Variants in ESRRG observed in about 807,000 individuals in gnomAD.
The protein encoded by ESRRG is estrogen-related receptor gamma.
ESRRG carries 13 observed loss-of-function variants against 44.0 expected under a neutral mutation model. The observed-to-expected ratio is 0.30, with a 90% confidence interval of 0.19 to 0.47. The LOEUF is 0.47. Among genes scored for constraint, ESRRG ranks in the 20% least tolerant of loss-of-function variants. The probability of loss-of-function intolerance (pLI) is 1.00; values close to 1 mark genes in which losing one functional copy is unlikely to be tolerated. For missense variants in ESRRG, 395 were observed against 580.6 expected (o/e 0.68, Z 3.29); for synonymous variants, 215 against 214.6 (o/e 1.00, Z -0.02).
At chr1:216,805,662 G>A (rs934245659) in intron 2 of ESRRG, among the ~76,000 whole-genome samples, 2 of 151,712 alleles carry the variant, frequency 1.3e-5, no homozygotes, top group Non-Finnish European at 2.9e-5. Context: ...GGCATTTGCC[G>A]TGCTCAAGTG....
At chr1:217,068,773 A>T (rs1283506618) in intron 1 of ESRRG, among the ~76,000 whole-genome samples, 4 of 152,260 alleles carry the variant, frequency 2.6e-5, no homozygotes, top group Non-Finnish European at 5.9e-5. Flanking sequence ...AGAGCTGGTC[A>T]CATGACCTTC....
intron 2 of ESRRG, among the ~76,000 whole-genome samples, chr1:216,810,618 C>T (rs1278521601): frequency 6.8e-6 from 1 of 147,014 alleles, no homozygotes; most frequent in East Asian, 2.0e-4. Context: ...CCATGATATT[C>T]TATATGGTAT....
intron 1 of ESRRG, among the ~76,000 whole-genome samples, chr1:217,111,540 A>T (rs1244125494): frequency 6.6e-6 from 1 of 152,260 alleles, no homozygotes; most frequent in East Asian, 1.9e-4. Flanking sequence ...GAACCAAAGA[A>T]GAAAGTCATC....
At chr1:216,551,797 T>C (rs1052615160) in intron 5 of ESRRG, among the ~76,000 whole-genome samples, 1 of 152,160 alleles carries the variant, frequency 6.6e-6, no homozygotes, top group African/African-American at 2.4e-5. Context: ...AGATTTATTA[T>C]TGGGTGTGCC....
intron 2 of ESRRG, among the ~76,000 whole-genome samples, chr1:216,778,731 T>C (rs1027544125): frequency 6.6e-6 from 1 of 151,974 alleles, no homozygotes; most frequent in Non-Finnish European, 1.5e-5. Flanking sequence ...TTAGAAATAG[T>C]AAGCCTTCCT....
At chr1:216,992,226 A>C (rs1474505296) in intron 1 of ESRRG, among the ~76,000 whole-genome samples, 1 of 152,218 alleles carries the variant, frequency 6.6e-6, no homozygotes, top group African/African-American at 2.4e-5. Context: ...ATATTTAACT[A>C]CTTATGACAT....
At chr1:216,625,777 T>C (rs955245069) in intron 3 of ESRRG, among the ~76,000 whole-genome samples, 5 of 152,218 alleles carry the variant, frequency 3.3e-5, no homozygotes, top group Non-Finnish European at 4.4e-5. Context: ...TCTACATACA[T>C]ATACAGTGCT....
chr1:216,908,146 G>T (rs930647807), intron 2 of ESRRG, among the ~76,000 whole-genome samples: 1 of 152,170 alleles, frequency 6.6e-6, no homozygotes, highest in African/African-American at 2.4e-5. Context: ...GGATGGAAAA[G>T]AAACAAGAGT....
At chr1:216,557,858 G>A (rs1029619419) in intron 5 of ESRRG, among the ~76,000 whole-genome samples, 3 of 152,112 alleles carry the variant, frequency 2.0e-5, no homozygotes, top group African/African-American at 7.2e-5. Context: ...AAATATACAG[G>A]AGACACTCAA....
chr1:216,858,854 TG>T (rs2149074031), intron 2 of ESRRG, among the ~76,000 whole-genome samples: 1 of 152,308 alleles, frequency 6.6e-6, no homozygotes, highest in East Asian at 1.9e-4. Flanking sequence ...AGAGCAGTTC[TG>T]TGAAGCCAGG....
At chr1:216,759,535 CA>C (rs1484773464) in intron 2 of ESRRG, among the ~76,000 whole-genome samples, 3 of 151,972 alleles carry the variant, frequency 2.0e-5, no homozygotes, top group Non-Finnish European at 2.9e-5. Context: ...TGTTGTTTTT[CA>C]ATTTCCACCT....
intron 2 of ESRRG, among the ~76,000 whole-genome samples, chr1:216,849,036 C>A (rs1300067312): frequency 6.6e-6 from 1 of 151,860 alleles, no homozygotes; most frequent in African/African-American, 2.4e-5. Flanking sequence ...TTTCTGAATA[C>A]CAATATAAAA....
intron 3 of ESRRG, among the ~76,000 whole-genome samples, chr1:216,618,665 G>C (rs1224938550): frequency 1.3e-5 from 2 of 152,124 alleles, no homozygotes; most frequent in African/African-American, 4.8e-5. Flanking sequence ...CTGCATCTTA[G>C]AATGCTAAAG....
chr1:217,082,159 T>C (rs1381674905), intron 1 of ESRRG, among the ~76,000 whole-genome samples: 1 of 152,186 alleles, frequency 6.6e-6, no homozygotes, highest in Non-Finnish European at 1.5e-5. Flanking sequence ...CTCCCTGAAG[T>C]AATATGTAAA....
At chr1:216,925,742 G>A (rs2062469058) in intron 2 of ESRRG, among the ~76,000 whole-genome samples, 1 of 151,974 alleles carries the variant, frequency 6.6e-6, no homozygotes, top group Admixed American at 6.6e-5. Flanking sequence ...CCTGAGGTCA[G>A]GAGTTTGAGA....
intron 2 of ESRRG, among the ~76,000 whole-genome samples, chr1:216,841,482 T>C (rs1577132099): frequency 6.6e-6 from 1 of 152,274 alleles, no homozygotes; most frequent in East Asian, 1.9e-4. Flanking sequence ...ACATGAACAC[T>C]GGGCAAAAAC....
At chr1:216,537,311 T>G (rs555746264) in intron 5 of ESRRG, among the ~76,000 whole-genome samples, 1 of 152,148 alleles carries the variant, frequency 6.6e-6, no homozygotes, top group East Asian at 1.9e-4. Context: ...ACACTGAATG[T>G]GCCAGCACCT....
chr1:217,119,005 GGATA>G (rs55952668), intron 1 of ESRRG, among the ~76,000 whole-genome samples: 45,246 of 137,138 alleles, frequency 0.33, 6,813 homozygotes, highest in Admixed American at 0.38. Context: ...GAAACTAGAT[GGATA>G]GATAGATAGA....
chr1:216,805,073 T>G (rs934009057), intron 2 of ESRRG: 3 of 152,156 alleles, frequency 2.0e-5, no homozygotes, highest in African/African-American at 7.2e-5. Context: ...CAGAAAGTCC[T>G]TTCCACACCA....
Sources: allele counts gnomAD v4.1 joint callset (sites outside exome capture counted in the v4.1 genomes callset), GRCh38; gene constraint gnomAD v4.1.1; transcripts MANE v1.5; gene names NCBI Gene and HGNC (gene_info 2026-07-23, HGNC 2026-07-21).